The following RELCH variants were observed in gnomAD, a reference collection of about 807,000 sequenced individuals.
RELCH encodes the protein RAB11 binding and LisH domain, coiled-coil and HEAT repeat containing.
RELCH carries 41 observed loss-of-function variants against 150.3 expected under a neutral mutation model. The observed-to-expected ratio is 0.27, with a 90% confidence interval of 0.21 to 0.35. RELCH has a LOEUF of 0.35. Among genes scored for constraint, RELCH ranks in the 10% least tolerant of loss-of-function variants. The pLI is 1.00. For synonymous variants in RELCH, 478 were observed against 531.8 expected (o/e 0.90, Z 1.39); for missense variants, 1,092 against 1,467.8 (o/e 0.74, Z 4.18).
intron 5 of RELCH, among the ~76,000 whole-genome samples, chr18:62,222,435 T>C (rs1188120541): frequency 1.3e-5 from 2 of 151,746 alleles, no homozygotes; most frequent in Non-Finnish European, 2.9e-5. Context: ...AAACAGTGAA[T>C]AGGAAAGATT....
intron 25 of RELCH, chr18:62,284,204 A>C (rs544609531): frequency 1.6e-4 from 25 of 152,350 alleles, no homozygotes; most frequent in African/African-American, 6.0e-4. Context: ...ATTTTCAAGA[A>C]TATCTAAAAA....
chr18:62,293,595 A>C (rs2045263597), intron 27 of RELCH, among the ~76,000 whole-genome samples: 1 of 152,134 alleles, frequency 6.6e-6, no homozygotes, highest in African/African-American at 2.4e-5. Flanking sequence ...TGTTTGATTA[A>C]ATAACTGGGT....
At chr18:62,227,561 A>G in intron 6 of RELCH, 37 bp from the exon 7 acceptor site, 1 of 1,529,700 alleles carries the variant, frequency 6.5e-7, no homozygotes, top group Non-Finnish European at 9.0e-7. Context: ...GTACAGTGAG[A>G]TCTTGAGTTT....
intron 16 of RELCH, among the ~76,000 whole-genome samples, chr18:62,262,974 G>T (rs1201519158): frequency 6.6e-6 from 1 of 151,914 alleles, no homozygotes; most frequent in Non-Finnish European, 1.5e-5. Flanking sequence ...GTGTTTCTTG[G>T]CTTTTAGATG....
At chr18:62,288,279 A>G (rs1415296591) in intron 26 of RELCH, among the ~76,000 whole-genome samples, 1 of 152,260 alleles carries the variant, frequency 6.6e-6, no homozygotes, top group East Asian at 1.9e-4. Context: ...CATGCTAAAC[A>G]AAAAACAGAG....
chr18:62,287,172 A>G (rs1177026168), intron 25 of RELCH, among the ~76,000 whole-genome samples, 179 bp from the exon 26 acceptor site: 1 of 152,216 alleles, frequency 6.6e-6, no homozygotes, highest in African/African-American at 2.4e-5. Context: ...TTTTATTTTG[A>G]AAAACTACTT....
At chr18:62,270,541 C>T (rs945974096) in intron 20 of RELCH, among the ~76,000 whole-genome samples, 1 of 152,038 alleles carries the variant, frequency 6.6e-6, no homozygotes, top group African/African-American at 2.4e-5. Context: ...GAAGAAACAC[C>T]TTTTCCAATG....
At chr18:62,211,484 GC>G (rs1438676627) in intron 2 of RELCH, among the ~76,000 whole-genome samples, 1 of 152,166 alleles carries the variant, frequency 6.6e-6, no homozygotes, top group African/African-American at 2.4e-5. Context: ...CTTGGAGCCA[GC>G]AGTTTACAAC....
At chr18:62,302,644 C>T (rs1348572350) in intron 28 of RELCH, among the ~76,000 whole-genome samples, 2 of 152,032 alleles carry the variant, frequency 1.3e-5, no homozygotes, top group Non-Finnish European at 2.9e-5. Context: ...CCTTAGCCTC[C>T]CTCCCGAGTA....
At position 62,284,298 on chromosome 18, in the gene RELCH, A is replaced by AT. The variant is rs2044677037; in HGVS notation, c.3253+1855dup. On this transcript the variant is annotated intron_variant, in intron 25 of 28. Coordinates refer to ENST00000644646, the MANE Select transcript of RELCH (RefSeq NM_001346231.2). ...TGTAGGAGTTGTTCAAGAGGAAAAAATGAATTTTCTTCTCATAATGGCCCC... is the reference window on the plus strand; with the variant it reads ...TGTAGGAGTTGTTCAAGAGGAAAAAATTGAATTTTCTTCTCATAATGGCCCC... 2.0e-5 allele frequency: 3 copies of AT among 152,348 alleles called. No homozygotes were observed. The South Asian group carries it at 6.2e-4, about 32-fold the overall frequency. The allele number at this position is 152,348 out of a possible 1,614,324, so 9.4% of individuals were successfully genotyped here.
intron 28 of RELCH, among the ~76,000 whole-genome samples, chr18:62,303,137 T>G (rs1600306696): frequency 1.3e-5 from 2 of 150,200 alleles, no homozygotes; most frequent in Non-Finnish European, 1.5e-5. Context: ...TGTCTTGGGG[T>G]GGGGGCGGAA....
Position 62,280,185 on chromosome 18 carries a change from G to A in RELCH, c.3050+329G>A, listed in dbSNP as rs953904892. The A allele has an allele frequency of 4.0e-5, 24 of 606,946 alleles. No homozygotes were observed. The African/African-American group carries it at 4.1e-4, about 10-fold the overall frequency. 37.6% of individuals were successfully genotyped at this position (606,946 alleles called of 1,614,324 possible). On this transcript the variant is annotated intron_variant, in intron 23 of 28. Transcript: ENST00000644646. ...GATGCTCTCCTAATCTCACTAACAG[G>A]TTGTTACCAGTAAGTGTAGTAGCAT...
intron 9 of RELCH, among the ~76,000 whole-genome samples, chr18:62,231,572 G>A (rs1290033009): frequency 6.6e-6 from 1 of 151,834 alleles, no homozygotes; most frequent in Non-Finnish European, 1.5e-5. Flanking sequence ...CAACTTAAGT[G>A]TACACTGTTT....
intron 22 of RELCH, chr18:62,277,572 T>G: frequency 1.2e-6 from 1 of 832,444 alleles, no homozygotes; most frequent in Non-Finnish European, 1.4e-6. Flanking sequence ...AAACACATTC[T>G]TTTTTTAAAA....
rs199932427 is a variant in RELCH at position 62,240,408 on chromosome 18, C to CT, written c.1621-4351dup. On this transcript the variant is annotated intron_variant, in intron 10 of 28. Coordinates refer to ENST00000644646, the MANE Select transcript of RELCH (RefSeq NM_001346231.2). ...AAGAAAACCATTTTCTTTTTTTTTT[C>CT]TTTTTCTTTTTTTTTTTGGTGACAG... Among the ~76,000 whole-genome samples, 801 of 139,560 alleles carry CT rather than the reference C, an allele frequency of 5.7e-3. 30 individuals are homozygous for CT. Among genetic ancestry groups the CT allele is most frequent in the East Asian group, 0.04 (192 of 4,836 alleles). 91.6% of individuals were successfully genotyped at this position (139,560 alleles called of 152,430 possible). A position where few individuals can be genotyped will look rare whatever the true frequency, so the allele number is the denominator to read the frequency against.
chr18:62,190,979 C>T (rs1015589129), intron 1 of RELCH, among the ~76,000 whole-genome samples: 13 of 152,096 alleles, frequency 8.5e-5, no homozygotes, highest in Admixed American at 7.9e-4. Context: ...AATCATAGAA[C>T]GTATTTTTTT....
chr18:62,237,161 T>C (rs1464556546), intron 10 of RELCH, among the ~76,000 whole-genome samples: 1 of 151,892 alleles, frequency 6.6e-6, no homozygotes, highest in African/African-American at 2.4e-5. Context: ...ATATTTTATA[T>C]GACTTTGATC....
chr18:62,187,429 C>T lies in RELCH; in HGVS notation c.-77C>T, dbSNP rs1376406222. ...CCGGGGCTGTGGAGGTGCGCTGTGT[C>T]CCCTGAGGCCTAGAGGATTCGGGCT... On this transcript the variant is annotated 5_prime_UTR_variant, in exon 1 of 29. Coordinates refer to ENST00000644646, the MANE Select transcript of RELCH (RefSeq NM_001346231.2). The T allele has an allele frequency of 4.5e-5, 63 of 1,404,016 alleles. No individual in the cohort carries two copies. Among genetic ancestry groups the T allele is most frequent in the Non-Finnish European group, 6.0e-5 (63 of 1,058,098 alleles). 87.0% of individuals were successfully genotyped at this position (1,404,016 alleles called of 1,614,324 possible).
chr18:62,280,283 C>A, intron 23 of RELCH: 1 of 1,175,600 alleles, frequency 8.5e-7, no homozygotes, highest in South Asian at 1.3e-5. Context: ...TCTGCCTGCC[C>A]ATCCTCAGTC....
Sources: allele counts gnomAD v4.1 joint callset (sites outside exome capture counted in the v4.1 genomes callset), GRCh38; gene constraint gnomAD v4.1.1; transcripts MANE v1.5; gene names NCBI Gene and HGNC (gene_info 2026-07-23, HGNC 2026-07-21).